AKAP9: variants seen among roughly 807,000 people sequenced by gnomAD.
The protein encoded by AKAP9 is A-kinase anchor protein 9.
AKAP9 carries 311 observed loss-of-function variants against 488.5 expected under a neutral mutation model. That is an observed-to-expected ratio of 0.64 (90% CI 0.58 to 0.70). AKAP9 has a LOEUF of 0.70. Ranked by LOEUF, AKAP9 falls within the 30% of genes least tolerant of loss-of-function variation. The pLI is 0.00. For synonymous variants in AKAP9, 1,462 were observed against 1,483.5 expected (o/e 0.99, Z 0.33); for missense variants, 4,215 against 4,374.5 (o/e 0.96, Z 1.03).
chr7:91,940,891 GCGGCGGCGGTGA>G lies in AKAP9; in HGVS notation c.-203_-192del, dbSNP rs1790655524. On this transcript the variant is annotated 5_prime_UTR_variant, in exon 1 of 50. Coordinates refer to ENST00000356239, the MANE Select transcript of AKAP9 (RefSeq NM_005751.5). The stretch of plus-strand genomic sequence containing the variant: ...TTACGTGGAGACGAAGATGGCGGCG[GCGGCGGCGGTGA>G]CGGCGCTTCCCGTGCGGCTGAGGAC... The G allele has an allele frequency of 6.6e-6, 4 of 609,428 alleles. No homozygotes were observed. In the East Asian group the frequency reaches 1.1e-4, roughly 17 times the overall value. 37.8% of individuals were successfully genotyped at this position (609,428 alleles called of 1,614,324 possible).
chr7:91,966,078 A>G (rs148706021), intron 1 of AKAP9, among the ~76,000 whole-genome samples: 5 of 152,078 alleles, frequency 3.3e-5, no homozygotes, highest in African/African-American at 1.2e-4. Flanking sequence ...GTAGAGATAG[A>G]TCTATGTCTC....
chr7:92,025,529 C>G (rs1802975490), intron 14 of AKAP9, among the ~76,000 whole-genome samples: 1 of 152,022 alleles, frequency 6.6e-6, no homozygotes, highest in Non-Finnish European at 1.5e-5. Flanking sequence ...TATACTGTTC[C>G]CTGTGGGTAG....
intron 1 of AKAP9, among the ~76,000 whole-genome samples, chr7:91,963,482 T>TCTCACACA (rs375244495): frequency 0.052 from 7,201 of 139,214 alleles, 222 homozygotes; most frequent in Non-Finnish European, 0.067. Flanking sequence ...AACATATTTG[T>TCTCACACA]CACACACACA....
intron 43 of AKAP9, among the ~76,000 whole-genome samples, chr7:92,099,331 A>C (rs868800417): frequency 1.3e-5 from 2 of 152,124 alleles, no homozygotes; most frequent in Non-Finnish European, 2.9e-5. Flanking sequence ...TGCTTTGTAC[A>C]TTACTACCAA....
chr7:92,005,770 A>G (rs944150093), intron 8 of AKAP9, among the ~76,000 whole-genome samples: 5 of 152,008 alleles, frequency 3.3e-5, no homozygotes, highest in African/African-American at 9.7e-5. Flanking sequence ...GGTTCAATCA[A>G]TTCTCCTGCC....
intron 14 of AKAP9, among the ~76,000 whole-genome samples, chr7:92,028,318 A>G (rs1465001919): frequency 6.6e-6 from 1 of 150,796 alleles, no homozygotes; most frequent in Non-Finnish European, 1.5e-5. Flanking sequence ...AAAAAAAAAA[A>G]AAAAAGAATG....
Position 92,001,355 on chromosome 7 carries a change from A to G in AKAP9, c.1438A>G (p.Asn480Asp), listed in dbSNP as rs746546794. The G allele has an allele frequency of 5.0e-6, 8 of 1,613,656 alleles. No homozygotes were observed. The highest frequency in any genetic ancestry group is 1.7e-5 in the Admixed American group (1 of 59,982). The change falls in exon 8 of 50, where the codon AAT (asparagine) becomes GAT (aspartate). Residue 480 changes from asparagine to aspartate, a missense_variant. Transcript: ENST00000356239. Reference sequence around the variant, plus strand: ...GGAGAATGCTTTAAGGTCATATTCAAATATTACAGTTAATGAAGATCAGAT... The same window carrying G: ...GGAGAATGCTTTAAGGTCATATTCAGATATTACAGTTAATGAAGATCAGAT... ...EMENALRSYS[N>D]ITVNEDQIKL...
chr7:92,023,154 A>G, intron 14 of AKAP9, 145 bp downstream of exon 14: 1 of 810,348 alleles, frequency 1.2e-6, no homozygotes, highest in Non-Finnish European at 2.1e-6. Flanking sequence ...AAGAAGAGCA[A>G]GAGATCATTC....
At chr7:92,042,228 A>G (rs1806238950) in intron 19 of AKAP9, 42 bp downstream of exon 19, 1 of 1,611,732 alleles carries the variant, frequency 6.2e-7, no homozygotes, top group Non-Finnish European at 8.5e-7. Flanking sequence ...TGGATCACCA[A>G]TTCAGTAGGA....
rs757344897 is a variant in AKAP9, at chr7:92,002,379, A to G, written c.2462A>G (p.Glu821Gly). 1 of 1,611,626 alleles carries G rather than the reference A, an allele frequency of 6.2e-7. No homozygotes were observed. Among genetic ancestry groups the G allele is most frequent in the South Asian group, 1.1e-5 (1 of 90,302 alleles). ...SKSKDSVWEKEIEILIEENED... is the reference protein window; with the variant it reads ...SKSKDSVWEKGIEILIEENED... Reference sequence around the variant, plus strand: ...TCCAAAGACTCTGTGTGGGAAAAAGAAATAGAAATACTTATAGAGGAAAAT... The same window carrying G: ...TCCAAAGACTCTGTGTGGGAAAAAGGAATAGAAATACTTATAGAGGAAAAT... Residue 821 changes from glutamate (E) to glycine (G), a missense_variant, in exon 8 of 50, where the codon GAA becomes GGA. Physicochemically the swap from Glu to Gly is moderately conservative, Grantham distance 98. This residue lies in a region of AKAP9 where 2,361 missense variants were observed against 2,430.0 expected (regional missense o/e 0.97). Coordinates refer to ENST00000356239, the MANE Select transcript of AKAP9 (RefSeq NM_005751.5).
chr7:92,067,947 C>T (rs1224814998), intron 26 of AKAP9, among the ~76,000 whole-genome samples: 2 of 152,086 alleles, frequency 1.3e-5, no homozygotes, highest in Non-Finnish European at 2.9e-5. Context: ...ATTTTTATTT[C>T]GAATGTAATT....
chr7:91,993,416 C>T (rs1798026311), intron 5 of AKAP9, among the ~76,000 whole-genome samples: 1 of 152,006 alleles, frequency 6.6e-6, no homozygotes, highest in Non-Finnish European at 1.5e-5. Context: ...TCCCAAAGTG[C>T]TAGGATTACA....
At chr7:92,077,055 G>A in intron 29 of AKAP9, 48 bp downstream of exon 29, 2 of 827,932 alleles carry the variant, frequency 2.4e-6, no homozygotes, top group Non-Finnish European at 3.5e-6. Context: ...CATAGTTTCA[G>A]TCCTATATTG....
chr7:91,988,463 C>T (rs1797373143), intron 3 of AKAP9, among the ~76,000 whole-genome samples: 1 of 151,958 alleles, frequency 6.6e-6, no homozygotes, highest in African/African-American at 2.4e-5. Context: ...AGAGTGAGAC[C>T]TTGTCTCAAA....
rs1209079493 is a variant in AKAP9 at position 92,096,983 on chromosome 7, G to A, written c.10024G>A (p.Glu3342Lys). Residue 3342 changes from glutamate (E) to lysine (K), a missense_variant, in exon 41 of 50, where the codon GAG (glutamate) becomes AAG (lysine). Physicochemically the swap from Glu to Lys is moderately conservative, Grantham distance 56. This residue lies in a region of AKAP9 where 1,476 missense variants were observed against 1,477.4 expected (regional missense o/e 1.00). Transcript: ENST00000356239. ...ACAGTCTCGGCCACCCTTGCCCTCA[G>A]AGGACCTACTGAAAGAGCTGCAGAA... ...TGQSRPPLPSEDLLKELQKQL... is the reference protein window; with the variant it reads ...TGQSRPPLPSKDLLKELQKQL... 10 of 1,614,036 alleles carry A rather than the reference G, an allele frequency of 6.2e-6. No homozygotes were observed. Among genetic ancestry groups the A allele is most frequent in the Admixed American group, 1.7e-5 (1 of 59,994 alleles).
intron 25 of AKAP9, 94 bp from the exon 26 acceptor site, chr7:92,066,333 C>T: frequency 5.4e-6 from 8 of 1,495,282 alleles, no homozygotes; most frequent in Non-Finnish European, 2.8e-6. Context: ...TGTCTTCAAA[C>T]AAAACTAACA....
chr7:92,101,535 G>T (rs1313963640), intron 45 of AKAP9, among the ~76,000 whole-genome samples: 1 of 152,104 alleles, frequency 6.6e-6, no homozygotes, highest in Non-Finnish European at 1.5e-5. Flanking sequence ...TTCTGGAAAG[G>T]CATGCCCAGG....
intron 32 of AKAP9, 73 bp from the exon 33 acceptor site, chr7:92,083,097 A>T (rs1347154427): frequency 6.5e-7 from 1 of 1,545,718 alleles, no homozygotes; most frequent in Non-Finnish European, 8.8e-7. Context: ...TTCCTCCCAC[A>T]CCCTTTAAAT....
intron 1 of AKAP9, among the ~76,000 whole-genome samples, chr7:91,965,101 A>G (rs993635929): frequency 2.6e-5 from 4 of 152,202 alleles, no homozygotes; most frequent in Non-Finnish European, 4.4e-5. Context: ...TTTGTAAACT[A>G]TAGTCACCCT....
Sources: gnomAD v4.1 joint callset for allele counts (sites outside exome capture counted in the v4.1 genomes callset) on GRCh38, gnomAD v4.1.1 for gene constraint, gnomAD v4.1.1 regional missense constraint, MANE v1.5 for transcripts, NCBI Gene and HGNC (gene_info 2026-07-23, HGNC 2026-07-21) for gene names.